Variants in PRKCQ observed in about 807,000 individuals in gnomAD.
The protein encoded by PRKCQ is protein kinase C theta type.
Under a neutral mutation model 91.2 loss-of-function variants are expected in PRKCQ, and 41 were observed. The ratio of observed to expected loss-of-function variants is 0.45; its 90% CI spans 0.35 to 0.58. PRKCQ has a LOEUF of 0.58. PRKCQ is among the 20% of genes least tolerant of loss of function. The probability of loss-of-function intolerance (pLI) is 0.00; values close to 1 mark genes in which losing one functional copy is unlikely to be tolerated. For missense variants in PRKCQ, 673 were observed against 896.5 expected (o/e 0.75, Z 3.18); for synonymous variants, 307 against 316.9 (o/e 0.97, Z 0.33).
At chr10:6,437,340 C>T (rs1236123971) in intron 16 of PRKCQ, among the ~76,000 whole-genome samples, 2 of 152,214 alleles carry the variant, frequency 1.3e-5, no homozygotes, top group African/African-American at 2.4e-5. Flanking sequence ...CTCTCTCTCT[C>T]TCTGCTGTAA....
intron 2 of PRKCQ, among the ~76,000 whole-genome samples, chr10:6,511,413 C>T (rs181940604): frequency 1.3e-5 from 2 of 152,288 alleles, no homozygotes; most frequent in East Asian, 1.9e-4. Context: ...ATAAGTCCAG[C>T]GTTGATAATT....
At position 6,486,080 on chromosome 10, in the gene PRKCQ, C is replaced by G. The variant is rs1186987207; in HGVS notation, c.855G>C (p.Gln285His). 2 of 1,614,076 alleles carry G rather than the reference C, an allele frequency of 1.2e-6. No homozygotes were observed. Among genetic ancestry groups the G allele is most frequent in the Non-Finnish European group, 1.7e-6 (2 of 1,180,042 alleles). ...TGGCCAGCGCTTCAGCCATTAGCTT[C>G]TGGTTTATGCCACAAAGGTTGGCCA... is the stretch of plus-strand genomic sequence containing the variant. The part of the protein sequence containing the change: ...TKVANLCGIN[Q>H]KLMAEALAMI... The change falls in exon 9 of 18, where the codon CAG becomes CAC. Residue 285 changes from glutamine to histidine, a missense_variant. Transcript: ENST00000263125.
chr10:6,521,711 TC>T, intron 1 of PRKCQ, among the ~76,000 whole-genome samples: 1 of 152,292 alleles, frequency 6.6e-6, no homozygotes, highest in Middle Eastern at 3.4e-3. Flanking sequence ...TATGTGACCT[TC>T]CTCTGCACTC....
At chr10:6,539,806 T>C (rs1839712560) in intron 1 of PRKCQ, among the ~76,000 whole-genome samples, 1 of 152,180 alleles carries the variant, frequency 6.6e-6, no homozygotes, top group African/African-American at 2.4e-5. Flanking sequence ...ATAAAATGTC[T>C]TTCTTGAGTA....
chr10:6,568,869 G>GA (rs992791710), intron 1 of PRKCQ, among the ~76,000 whole-genome samples: 2 of 152,028 alleles, frequency 1.3e-5, no homozygotes, highest in African/African-American at 4.8e-5. Context: ...ATGATAAGGG[G>GA]AAAAATCACA....
the PRKCQ span, among the ~76,000 whole-genome samples, chr10:6,397,357 G>A: frequency 6.6e-6 from 1 of 152,246 alleles, no homozygotes; most frequent in Admixed American, 6.5e-5. Flanking sequence ...GCCCCTCAAA[G>A]TGCTGAGATT....
At chr10:6,575,852 C>T (rs761161415) in intron 1 of PRKCQ, among the ~76,000 whole-genome samples, 73 of 152,104 alleles carry the variant, frequency 4.8e-4, no homozygotes, top group Non-Finnish European at 9.1e-4. Context: ...CCATCTTGGC[C>T]AACATGGTGA....
intron 1 of PRKCQ, among the ~76,000 whole-genome samples, chr10:6,533,352 C>A (rs1290116886): frequency 6.6e-6 from 1 of 152,192 alleles, no homozygotes; most frequent in Non-Finnish European, 1.5e-5. Context: ...CACCCACCAT[C>A]ATGCCTGGCT....
intron 7 of PRKCQ, among the ~76,000 whole-genome samples, chr10:6,495,142 C>A (rs527939465): frequency 6.6e-6 from 1 of 152,382 alleles, no homozygotes; most frequent in East Asian, 1.9e-4. Flanking sequence ...CCACCAACCT[C>A]CCCGCTTGGA....
At chr10:6,490,422 A>G in intron 8 of PRKCQ, among the ~76,000 whole-genome samples, 1 of 152,080 alleles carries the variant, frequency 6.6e-6, no homozygotes, top group South Asian at 2.1e-4. Flanking sequence ...TTAATACTTC[A>G]TCATAAGAAA....
chr10:6,454,316 T>C (rs1323377851), intron 15 of PRKCQ, among the ~76,000 whole-genome samples: 2 of 151,994 alleles, frequency 1.3e-5, no homozygotes, highest in African/African-American at 2.4e-5. Flanking sequence ...TGGAAGGGTG[T>C]CACCAAGAGC....
At chr10:6,552,395 C>T (rs975647923) in intron 1 of PRKCQ, among the ~76,000 whole-genome samples, 1 of 151,892 alleles carries the variant, frequency 6.6e-6, no homozygotes, top group African/African-American at 2.4e-5. Context: ...GATTCAGGCT[C>T]AGTGCGTGCA....
intron 16 of PRKCQ, among the ~76,000 whole-genome samples, chr10:6,439,265 G>A (rs12358161): frequency 0.088 from 13,446 of 152,218 alleles, 805 homozygotes; most frequent in Middle Eastern, 0.19. Context: ...CGGATAGGGC[G>A]CTGAATTCCG....
the PRKCQ span, among the ~76,000 whole-genome samples, chr10:6,399,965 T>C: frequency 6.6e-6 from 1 of 152,126 alleles, no homozygotes; most frequent in Non-Finnish European, 1.5e-5. Context: ...TTCAAGGAAG[T>C]ATTGCCAGAT....
chr10:6,495,419 A>C (rs903314919), intron 7 of PRKCQ, among the ~76,000 whole-genome samples: 2 of 152,136 alleles, frequency 1.3e-5, no homozygotes, highest in Non-Finnish European at 2.9e-5. Context: ...CCAGCCTGTA[A>C]GGAGCTTCCT....
chr10:6,547,100 T>C (rs578177309), intron 1 of PRKCQ, among the ~76,000 whole-genome samples: 1 of 152,272 alleles, frequency 6.6e-6, no homozygotes, highest in South Asian at 2.1e-4. Flanking sequence ...TCATGGTGGA[T>C]AAGCTTTTTG....
intron 4 of PRKCQ, 119 bp downstream of exon 4, chr10:6,507,317 T>G (rs1434224209): frequency 3.0e-6 from 3 of 998,302 alleles, no homozygotes; most frequent in Middle Eastern, 2.2e-4. Flanking sequence ...TAAAACAATT[T>G]TGTGCCTCTC....
chr10:6,521,944 T>TATTC (rs1564371848), intron 1 of PRKCQ, among the ~76,000 whole-genome samples: 6 of 149,764 alleles, frequency 4.0e-5, no homozygotes, highest in South Asian at 2.1e-4. Context: ...TTTATTTATT[T>TATTC]ATTTATTTAT....
At chr10:6,431,337 CACAG>C (rs531769252) in intron 16 of PRKCQ, among the ~76,000 whole-genome samples, 11 of 152,276 alleles carry the variant, frequency 7.2e-5, no homozygotes, top group East Asian at 3.9e-4. Flanking sequence ...CACACGTGCA[CACAG>C]ACAGGCACAT....
Sources: gnomAD v4.1 joint callset for allele counts (sites outside exome capture counted in the v4.1 genomes callset) on GRCh38, gnomAD v4.1.1 for gene constraint, MANE v1.5 for transcripts, NCBI Gene and HGNC (gene_info 2026-07-23, HGNC 2026-07-21) for gene names.